CDK7: variants seen among roughly 807,000 people sequenced by gnomAD.
The protein encoded by CDK7 is cyclin-dependent kinase 7.
A neutral mutation model predicts 49.1 loss-of-function variants in CDK7; 25 were observed. The observed-to-expected ratio is 0.51, with a 90% CI of 0.37 to 0.71. The LOEUF is 0.71. Ranked by LOEUF, CDK7 falls within the 30% of genes least tolerant of loss-of-function variation. The pLI is 0.00. For missense variants in CDK7, 316 were observed against 411.7 expected (o/e 0.77, Z 2.01); for synonymous variants, 107 against 140.0 (o/e 0.76, Z 1.67).
intron 2 of CDK7, among the ~76,000 whole-genome samples, chr5:69,240,936 T>G (rs545510338): frequency 4.0e-4 from 61 of 152,216 alleles, no homozygotes; most frequent in African/African-American, 1.4e-3. Context: ...CTCTTTTATT[T>G]TTGAATGGTA....
At chr5:69,236,098 G>T (rs1748955916) in intron 2 of CDK7, among the ~76,000 whole-genome samples, 1 of 152,046 alleles carries the variant, frequency 6.6e-6, no homozygotes. Flanking sequence ...AATATTAGCT[G>T]GGTGTGGTGG....
chr5:69,256,972 TACAA>T (rs1307458309), intron 5 of CDK7, among the ~76,000 whole-genome samples: 5 of 152,186 alleles, frequency 3.3e-5, no homozygotes, highest in African/African-American at 7.2e-5. Context: ...ATTCTAACTG[TACAA>T]ACAAACTGAA....
intron 8 of CDK7, among the ~76,000 whole-genome samples, chr5:69,268,322 G>A (rs980859674): frequency 6.6e-6 from 1 of 152,118 alleles, no homozygotes; most frequent in African/African-American, 2.4e-5. Flanking sequence ...GGGAGGGCAG[G>A]GAATGTCTCG....
intron 3 of CDK7, 145 bp from the exon 4 acceptor site, chr5:69,254,457 G>A (rs749205250): frequency 1.1e-4 from 49 of 466,134 alleles, no homozygotes; most frequent in Non-Finnish European, 1.7e-4. Flanking sequence ...GGGAAGCAGA[G>A]GTTGCAGTGA....
rs1349253442 is a variant in CDK7, at chr5:69,265,289, C to A, written c.627+2985C>A. Among the ~76,000 whole-genome samples, 11 of 145,856 alleles carry A rather than the reference C, an allele frequency of 7.5e-5. 1 individual carries two copies. Among genetic ancestry groups the A allele is most frequent in the Admixed American group, 5.5e-4 (8 of 14,614 alleles). On this transcript the variant is annotated intron_variant, in intron 8 of 11. Coordinates refer to ENST00000256443, the MANE Select transcript of CDK7 (RefSeq NM_001799.4). ...CAAAAAATAAAAAAAAAAATGAGTA[C>A]AATTATGAAAATTACAAAGAAAACT... is the stretch of plus-strand genomic sequence containing the variant.
upstream of CDK7, chr5:69,234,850 G>T (rs1258351031): frequency 2.1e-6 from 2 of 936,912 alleles, no homozygotes; most frequent in Non-Finnish European, 3.3e-6. Context: ...CGGAAGTGAG[G>T]CGGGGATACT....
intron 8 of CDK7, among the ~76,000 whole-genome samples, chr5:69,263,691 C>T (rs1270646694): frequency 6.6e-6 from 1 of 152,134 alleles, no homozygotes; most frequent in Non-Finnish European, 1.5e-5. Context: ...TGCTACTTAC[C>T]TGAACATAGA....
intron 5 of CDK7, 27 bp downstream of exon 5, chr5:69,255,555 C>G (rs370548669): frequency 7.1e-7 from 1 of 1,412,270 alleles, no homozygotes; most frequent in Non-Finnish European, 1.0e-6. Context: ...TGGAGAAATT[C>G]CTTTGTCCCA....
Position 69,259,808 on chromosome 5 carries a change from C to A in CDK7, c.409-10C>A. The A allele has an allele frequency of 6.3e-7, 1 of 1,580,408 alleles. No homozygotes were observed. Among genetic ancestry groups the A allele is most frequent in the East Asian group, 2.2e-5 (1 of 44,726 alleles). ...TGCTTATTTGTTTGTTTAAAACTTC[C>A]GTCATATAGGATCTGAAACCAAACA... On this transcript the variant is annotated splice_polypyrimidine_tract_variant and intron_variant, in intron 6 of 11. Coordinates refer to ENST00000256443, the MANE Select transcript of CDK7 (RefSeq NM_001799.4).
At chr5:69,264,904 A>C (rs1751043745) in intron 8 of CDK7, among the ~76,000 whole-genome samples, 1 of 151,730 alleles carries the variant, frequency 6.6e-6, no homozygotes, top group African/African-American at 2.4e-5. Flanking sequence ...CGGGATGTGG[A>C]GGTTGCAGTG....
At chr5:69,242,488 T>C (rs144111799) in intron 2 of CDK7, among the ~76,000 whole-genome samples, 1 of 152,266 alleles carries the variant, frequency 6.6e-6, no homozygotes, top group African/African-American at 2.4e-5. Context: ...ACCACCAGTT[T>C]TACGTTTTAC....
At chr5:69,238,910 G>A (rs1408861926) in intron 2 of CDK7, among the ~76,000 whole-genome samples, 4 of 151,902 alleles carry the variant, frequency 2.6e-5, no homozygotes, top group East Asian at 1.9e-4. Flanking sequence ...CCTCTATATC[G>A]TATGATACAT....
chr5:69,255,816 G>C, intron 5 of CDK7: 2 of 351,148 alleles, frequency 5.7e-6, no homozygotes, highest in African/African-American at 2.2e-5. Flanking sequence ...AGACCTATAA[G>C]ATTTGTTTGC....
At chr5:69,276,481 A>G in intron 10 of CDK7, 62 bp from the exon 11 acceptor site, 1 of 1,476,068 alleles carries the variant, frequency 6.8e-7, no homozygotes, top group Non-Finnish European at 9.4e-7. Flanking sequence ...TGAAGGTAAG[A>G]TTTTCCTTAA....
chr5:69,271,920 G>T (rs1462224493), intron 9 of CDK7, among the ~76,000 whole-genome samples: 1 of 149,244 alleles, frequency 6.7e-6, no homozygotes, highest in South Asian at 2.1e-4. Context: ...TTAGGGCAAG[G>T]TTCAGTTTTT....
At chr5:69,247,179 G>A (rs1296445298) in intron 2 of CDK7, among the ~76,000 whole-genome samples, 1 of 152,158 alleles carries the variant, frequency 6.6e-6, no homozygotes. Context: ...TCTGTCCAAT[G>A]GTGAAAGTGG....
At chr5:69,257,793 A>C (rs1750580291) in intron 5 of CDK7, among the ~76,000 whole-genome samples, 4 of 152,336 alleles carry the variant, frequency 2.6e-5, no homozygotes, top group South Asian at 2.1e-4. Context: ...GCAAGCAGAA[A>C]CAACAGGTGT....
intron 9 of CDK7, among the ~76,000 whole-genome samples, chr5:69,271,901 G>A (rs1181728812): frequency 6.6e-6 from 1 of 150,932 alleles, no homozygotes; most frequent in Non-Finnish European, 1.5e-5. Context: ...TTTATATGAT[G>A]TGTGAGACTT....
intron 10 of CDK7, among the ~76,000 whole-genome samples, chr5:69,275,812 A>AAAAAAT (rs1025580944): frequency 2.0e-5 from 3 of 152,136 alleles, no homozygotes; most frequent in Non-Finnish European, 4.4e-5. Context: ...CATTCTCCAC[A>AAAAAAT]AAAAATAAGT....
Sources: allele counts gnomAD v4.1 joint callset (sites outside exome capture counted in the v4.1 genomes callset), GRCh38; gene constraint gnomAD v4.1.1; transcripts MANE v1.5; gene names NCBI Gene and HGNC (gene_info 2026-07-23, HGNC 2026-07-21).